The following SLC5A10 variants were observed in gnomAD, a reference collection of about 807,000 sequenced individuals.
SLC5A10 encodes the protein solute carrier family 5 member 10.
A neutral mutation model predicts 68.9 loss-of-function variants in SLC5A10; 55 were observed. That is an observed-to-expected ratio of 0.80 (90% CI 0.64 to 1.00). The LOEUF is 1.00. SLC5A10 is among the 50% of genes least tolerant of loss of function. SLC5A10 has a pLI of 0.00. For missense variants in SLC5A10, 732 were observed against 819.3 expected, an observed-to-expected ratio of 0.89 and a Z score of 1.30; for synonymous variants, 344 against 344.8, an observed-to-expected ratio of 1.00 and a Z score of 0.02.
In SLC5A10 at chr17:19,003,662, G is replaced by T; in HGVS notation, c.983-9748G>T. 6.2e-7 allele frequency: 1 copy of T among 1,611,960 alleles called. No individual in the cohort carries two copies. Among genetic ancestry groups the T allele is most frequent in the South Asian group, 1.1e-5 (1 of 90,966 alleles). On this transcript the variant is annotated intron_variant, in intron 9 of 14. Transcript: ENST00000395645. The surrounding 1 kb of genome is among the most constrained non-coding windows in gnomAD (Gnocchi z 4.5). Reference sequence around the variant, plus strand: ...CCAGCCCAGGTCCAGCTGCGGGATGGAGCGGTCCGACTTCTGGGGCCAGTA... The same window carrying T: ...CCAGCCCAGGTCCAGCTGCGGGATGTAGCGGTCCGACTTCTGGGGCCAGTA...
intron 9 of SLC5A10, among the ~76,000 whole-genome samples, chr17:18,986,778 G>A (rs560310448): frequency 5.9e-5 from 9 of 152,346 alleles, no homozygotes; most frequent in Non-Finnish European, 1.0e-4. Flanking sequence ...GCTGGGCCTG[G>A]GGCAGGGGTA....
At chr17:19,020,121 C>G in intron 13 of SLC5A10, 34 bp from the exon 14 acceptor site, 4 of 1,564,524 alleles carry the variant, frequency 2.6e-6, no homozygotes, top group Non-Finnish European at 2.6e-6. Context: ...TGCCATCCCC[C>G]ACCCCCAACC....
intron 14 of SLC5A10, 44 bp from the exon 15 acceptor site, chr17:19,020,281 C>T (rs542606847): frequency 1.2e-6 from 2 of 1,613,622 alleles, no homozygotes; most frequent in East Asian, 4.5e-5. Context: ...CAGGTGTAAC[C>T]TTGTGTCCTT....
At position 18,959,668 on chromosome 17, in the gene SLC5A10, G is replaced by A. The variant is rs377027673; in HGVS notation, c.348+5G>A. ...CCCATCTACATCTCCTCAGAGGTGAGTCTACTCATGGGGCCTCCAGCTGGG... is the reference window on the plus strand; with the variant it reads ...CCCATCTACATCTCCTCAGAGGTGAATCTACTCATGGGGCCTCCAGCTGGG... On this transcript the variant is annotated splice_donor_5th_base_variant and intron_variant, in intron 4 of 14. Transcript: ENST00000395645. The A allele has an allele frequency of 1.9e-6, 3 of 1,613,840 alleles. No homozygotes were observed. Among genetic ancestry groups the A allele is most frequent in the African/African-American group, 2.7e-5 (2 of 74,932 alleles).
At position 18,971,338 on chromosome 17, in the gene SLC5A10, GCTC is replaced by G. The variant is rs962166953; in HGVS notation, c.846+122_846+124del. Reference sequence around the variant, plus strand: ...CTGGGCTGGGGCCTCAGAAGGTGTGGCTCCAGGCTGGGACATGCTGCTAGGGGT... The same window carrying G: ...CTGGGCTGGGGCCTCAGAAGGTGTGGCAGGCTGGGACATGCTGCTAGGGGT... On this transcript the variant is annotated intron_variant, in intron 8 of 14. Transcript: ENST00000395645. This position sits in a 1 kb window ranked among gnomAD's most constrained non-coding sequence, Gnocchi z 5.5. 1 of 1,605,314 alleles carries G rather than the reference GCTC, an allele frequency of 6.2e-7. No homozygotes were observed. Among genetic ancestry groups the G allele is most frequent in the African/African-American group, 1.4e-5 (1 of 73,740 alleles).
chr17:19,003,728 T>C lies in SLC5A10; in HGVS notation c.983-9682T>C, dbSNP rs773452393. ...CGGCTCGGCCTCGATGGGGACCCCATCCGCCCCGCTGGCTTCCTCGCCGTC... is the reference window on the plus strand; with the variant it reads ...CGGCTCGGCCTCGATGGGGACCCCACCCGCCCCGCTGGCTTCCTCGCCGTC... On this transcript the variant is annotated intron_variant, in intron 9 of 14. Coordinates refer to ENST00000395645, the MANE Select transcript of SLC5A10 (RefSeq NM_001042450.4). The surrounding 1 kb of genome is among the most constrained non-coding windows in gnomAD (Gnocchi z 4.5). 1 of 1,605,018 alleles carries C rather than the reference T, an allele frequency of 6.2e-7. No homozygotes were observed. The highest frequency in any genetic ancestry group is 8.5e-7 in the Non-Finnish European group (1 of 1,175,846).
chr17:18,950,753 T>C, upstream of SLC5A10: 1 of 947,432 alleles, frequency 1.1e-6, no homozygotes, highest in Non-Finnish European at 1.3e-6. Context: ...TCTCCCTCTG[T>C]TGCCCAGGCT....
At chr17:19,006,146 C>T (rs112139355) in intron 9 of SLC5A10, among the ~76,000 whole-genome samples, 1 of 152,206 alleles carries the variant, frequency 6.6e-6, no homozygotes, top group Admixed American at 6.5e-5. Flanking sequence ...CCAGTAGCGA[C>T]GTTTTGCATA....
At chr17:18,977,683 T>G (rs775115642) in intron 9 of SLC5A10, 2 of 1,610,454 alleles carry the variant, frequency 1.2e-6, no homozygotes, top group Non-Finnish European at 1.7e-6. Context: ...CACCCTGGGG[T>G]CCAACAAAGG....
At chr17:19,019,317 G>C in intron 11 of SLC5A10, 106 bp from the exon 12 acceptor site, 1 of 1,375,354 alleles carries the variant, frequency 7.3e-7, no homozygotes, top group Non-Finnish European at 9.8e-7. Context: ...CTGGAGCTGG[G>C]GTAGCAGGGG....
chr17:18,971,586 C>T lies in SLC5A10; in HGVS notation c.846+368C>T. ...TCCGGAAGCAGGCGGGGTACCTGACCTCCCTTGGCCTGCCAGTGGTGGGGG... is the reference window on the plus strand; with the variant it reads ...TCCGGAAGCAGGCGGGGTACCTGACTTCCCTTGGCCTGCCAGTGGTGGGGG... On this transcript the variant is annotated intron_variant, in intron 8 of 14. Transcript: ENST00000395645. The surrounding 1 kb of genome is among the most constrained non-coding windows in gnomAD (Gnocchi z 5.5). The T allele has an allele frequency of 6.2e-7, 1 of 1,613,584 alleles. No individual in the cohort carries two copies. The highest frequency in any genetic ancestry group is 8.5e-7 in the Non-Finnish European group (1 of 1,180,014).
chr17:18,990,730 C>T (rs1384985269), intron 9 of SLC5A10, among the ~76,000 whole-genome samples: 2 of 152,202 alleles, frequency 1.3e-5, no homozygotes, highest in Non-Finnish European at 2.9e-5. Context: ...GGGTTCAGTG[C>T]CTAGGGTGGT....
intron 9 of SLC5A10, among the ~76,000 whole-genome samples, chr17:18,983,627 C>G (rs1597860628): frequency 6.6e-6 from 1 of 152,176 alleles, no homozygotes; most frequent in East Asian, 1.9e-4. Flanking sequence ...AACATAGCAG[C>G]AGGAGCCTGG....
At chr17:18,991,473 C>G (rs2043423054) in intron 9 of SLC5A10, among the ~76,000 whole-genome samples, 1 of 152,222 alleles carries the variant, frequency 6.6e-6, no homozygotes, top group South Asian at 2.1e-4. Context: ...CACACGTCCT[C>G]TCAGAGGTCC....
At chr17:18,984,505 T>C (rs1239408057) in intron 9 of SLC5A10, among the ~76,000 whole-genome samples, 1 of 152,192 alleles carries the variant, frequency 6.6e-6, no homozygotes, top group Non-Finnish European at 1.5e-5. Flanking sequence ...GCGGCAGCGA[T>C]CCTCACTTCC....
intron 9 of SLC5A10, among the ~76,000 whole-genome samples, chr17:18,982,152 G>A (rs1008876102): frequency 2.0e-4 from 30 of 152,256 alleles, no homozygotes; most frequent in African/African-American, 4.8e-4. Flanking sequence ...CGGCTGGGCC[G>A]CTGACTCGCT....
At chr17:19,008,878 T>C (rs1376885907) in intron 9 of SLC5A10, among the ~76,000 whole-genome samples, 1 of 151,208 alleles carries the variant, frequency 6.6e-6, no homozygotes, top group African/African-American at 2.4e-5. Flanking sequence ...AATGGCCTGA[T>C]CTCGGCTCAC....
intron 9 of SLC5A10, among the ~76,000 whole-genome samples, chr17:18,993,817 T>A (rs77721749): frequency 6.6e-6 from 1 of 152,244 alleles, no homozygotes; most frequent in Non-Finnish European, 1.5e-5. Flanking sequence ...CCTGGGAAGC[T>A]GCATGACCTT....
chr17:18,988,283 C>A, intron 9 of SLC5A10: 1 of 1,613,900 alleles, frequency 6.2e-7, no homozygotes, highest in South Asian at 1.1e-5. Flanking sequence ...CCCGCTCACA[C>A]ATGTGCAGGA....
Sources: allele counts gnomAD v4.1 joint callset (sites outside exome capture counted in the v4.1 genomes callset), GRCh38; gene constraint gnomAD v4.1.1; non-coding constraint Gnocchi (gnomAD v3.1); transcripts MANE v1.5; gene names NCBI Gene and HGNC (gene_info 2026-07-23, HGNC 2026-07-21).